ARHGAP24: variants seen among roughly 807,000 people sequenced by gnomAD.
The protein encoded by ARHGAP24 is rho GTPase-activating protein 24.
Under a neutral mutation model 76.4 loss-of-function variants are expected in ARHGAP24, and 50 were observed. The ratio of observed to expected loss-of-function variants is 0.65; its 90% CI spans 0.52 to 0.83. ARHGAP24 has a LOEUF of 0.83. ARHGAP24 is among the 40% of genes least tolerant of loss of function. The pLI is 0.00. For missense variants in ARHGAP24, 930 were observed against 914.2 expected, an observed-to-expected ratio of 1.02 and a Z score of -0.22; for synonymous variants, 345 against 323.3, an observed-to-expected ratio of 1.07 and a Z score of -0.72.
intron 3 of ARHGAP24, among the ~76,000 whole-genome samples, chr4:85,903,531 A>G (rs1190653928): frequency 6.6e-6 from 1 of 152,174 alleles, no homozygotes; most frequent in Non-Finnish European, 1.5e-5. Flanking sequence ...ATATAAAAAT[A>G]TACTTCAAAT....
rs541994516 is a variant in ARHGAP24, at chr4:85,778,776, C to G, written c.268+56804C>G. 6 of 985,332 alleles carry G rather than the reference C, an allele frequency of 6.1e-6. No individual in the cohort carries two copies. In the African/African-American group the frequency reaches 1.0e-4, roughly 17 times the overall value. 61.0% of individuals were successfully genotyped at this position (985,332 alleles called of 1,614,324 possible). On this transcript the variant is annotated intron_variant, in intron 3 of 9. Transcript: ENST00000395184. ...TTAGCTACAGGAAGAGTTTATATCC[C>G]CTTCTACAAGAAAACTTAAATATAG...
intron 2 of ARHGAP24, among the ~76,000 whole-genome samples, chr4:85,609,770 TG>T (rs2109994641): frequency 6.6e-6 from 1 of 152,368 alleles, no homozygotes; most frequent in Non-Finnish European, 1.5e-5. Flanking sequence ...CATTGTATAA[TG>T]ATTAAATCAG....
intron 2 of ARHGAP24, among the ~76,000 whole-genome samples, chr4:85,580,894 T>G (rs1033558778): frequency 2.0e-5 from 3 of 152,212 alleles, no homozygotes; most frequent in Non-Finnish European, 4.4e-5. Context: ...ATTTTAGCTT[T>G]TAGATTCCAG....
intron 2 of ARHGAP24, among the ~76,000 whole-genome samples, chr4:85,668,981 A>G (rs1722731419): frequency 6.6e-6 from 1 of 152,156 alleles, no homozygotes; most frequent in Admixed American, 6.5e-5. Flanking sequence ...TTTAGGTCCT[A>G]GGTTCAGTGG....
intron 4 of ARHGAP24, chr4:85,930,775 C>G (rs1736284927): frequency 7.0e-7 from 1 of 1,418,670 alleles, no homozygotes; most frequent in African/African-American, 1.5e-5. Flanking sequence ...GTAACTTATC[C>G]CTAAGCCAGG....
chr4:85,752,286 G>A (rs1726293338), intron 3 of ARHGAP24, among the ~76,000 whole-genome samples: 1 of 152,168 alleles, frequency 6.6e-6, no homozygotes, highest in South Asian at 2.1e-4. Flanking sequence ...GTTTGTCTCA[G>A]TGTTACCATC....
chr4:85,801,756 C>G (rs528665466), intron 3 of ARHGAP24, among the ~76,000 whole-genome samples: 1 of 152,360 alleles, frequency 6.6e-6, no homozygotes, highest in South Asian at 2.1e-4. Context: ...AGTGAGCCGG[C>G]CATCTCAGGC....
At chr4:85,895,556 A>G (rs7692633) in intron 3 of ARHGAP24, among the ~76,000 whole-genome samples, 50,440 of 151,936 alleles carry the variant, frequency 0.33, 8,753 homozygotes, top group South Asian at 0.43. Flanking sequence ...TGGGGGGAAA[A>G]TTTCTATTTT....
chr4:85,628,165 C>T lies in ARHGAP24; in HGVS notation c.180+57444C>T, dbSNP rs1474632366. 2.6e-5 allele frequency among the ~76,000 whole-genome samples: 4 copies of T among 152,192 alleles called. No individual in the cohort carries two copies. In the East Asian group the frequency reaches 5.8e-4, roughly 22 times the overall value. ...TGCAGAAATCACCCATCTTCTGCGT[C>T]GCTCACACTGGGAGCTATAGACCGG... On this transcript the variant is annotated intron_variant, in intron 2 of 9. Transcript: ENST00000395184.
chr4:85,476,208 T>C (rs912715172), intron 1 of ARHGAP24, among the ~76,000 whole-genome samples: 1 of 151,920 alleles, frequency 6.6e-6, no homozygotes, highest in Non-Finnish European at 1.5e-5. Context: ...AAACATGTAA[T>C]ATGGTCTCGT....
intron 3 of ARHGAP24, among the ~76,000 whole-genome samples, chr4:85,913,563 G>A (rs1306761072): frequency 6.6e-6 from 1 of 151,944 alleles, no homozygotes; most frequent in African/African-American, 2.4e-5. Flanking sequence ...TCTCATTGGT[G>A]ACTTCCAAAT....
At chr4:85,565,171 T>C (rs1467571870) in intron 1 of ARHGAP24, among the ~76,000 whole-genome samples, 1 of 151,746 alleles carries the variant, frequency 6.6e-6, no homozygotes, top group Non-Finnish European at 1.5e-5. Flanking sequence ...ACCAGCCTAT[T>C]AGCAATACCT....
intron 2 of ARHGAP24, among the ~76,000 whole-genome samples, chr4:85,702,945 A>G (rs945879978): frequency 6.6e-6 from 1 of 152,072 alleles, no homozygotes; most frequent in African/African-American, 2.4e-5. Context: ...GCTGTGATGG[A>G]CAGAGAAAGG....
At chr4:85,831,802 TGAG>T (rs1560657946) in intron 3 of ARHGAP24, among the ~76,000 whole-genome samples, 1 of 151,546 alleles carries the variant, frequency 6.6e-6, no homozygotes, top group Non-Finnish European at 1.5e-5. Flanking sequence ...CTCGGGAGGC[TGAG>T]GTGTGATAAT....
chr4:85,973,481 C>A (rs900668446), intron 6 of ARHGAP24, among the ~76,000 whole-genome samples: 4 of 152,062 alleles, frequency 2.6e-5, no homozygotes, highest in African/African-American at 9.7e-5. Context: ...TGTGAGTTGT[C>A]TCTTCATTTT....
chr4:85,755,672 G>A (rs1471669623), intron 3 of ARHGAP24, among the ~76,000 whole-genome samples: 1 of 120,434 alleles, frequency 8.3e-6, no homozygotes, highest in Non-Finnish European at 1.7e-5. Context: ...TCGTTCTGTT[G>A]CCCAGGCTGG....
chr4:85,835,548 T>G (rs1386700226), intron 3 of ARHGAP24, among the ~76,000 whole-genome samples: 15 of 86,984 alleles, frequency 1.7e-4, no homozygotes, highest in Admixed American at 9.9e-4. Flanking sequence ...AGAGTGAGAC[T>G]CCATCTCAAA....
At chr4:85,726,369 G>A (rs1353337527) in intron 3 of ARHGAP24, among the ~76,000 whole-genome samples, 2 of 152,132 alleles carry the variant, frequency 1.3e-5, no homozygotes, top group Non-Finnish European at 2.9e-5. Context: ...CATGGGAAAG[G>A]TTCTCCGAAG....
intron 3 of ARHGAP24, among the ~76,000 whole-genome samples, chr4:85,854,825 C>G (rs1026281216): frequency 1.3e-5 from 2 of 152,152 alleles, no homozygotes; most frequent in Admixed American, 1.3e-4. Flanking sequence ...CTCAACCATG[C>G]TTGTCATTTG....
Sources: allele counts gnomAD v4.1 joint callset (sites outside exome capture counted in the v4.1 genomes callset), GRCh38; gene constraint gnomAD v4.1.1; transcripts MANE v1.5; gene names NCBI Gene and HGNC (gene_info 2026-07-23, HGNC 2026-07-21).